CYTH1: variants seen among roughly 807,000 people sequenced by gnomAD.
CYTH1 encodes cytohesin 1.
CYTH1 carries 18 observed loss-of-function variants against 61.8 expected under a neutral mutation model. The observed-to-expected ratio is 0.29, with a 90% CI of 0.20 to 0.43. CYTH1 has a LOEUF of 0.43. CYTH1 is among the 20% of genes least tolerant of loss of function. The pLI is 1.00. For missense variants in CYTH1, 336 were observed against 510.5 expected (o/e 0.66, Z 3.29); for synonymous variants, 174 against 184.3 (o/e 0.94, Z 0.45).
chr17:78,734,128 C>T (rs1036911828), intron 1 of CYTH1, among the ~76,000 whole-genome samples: 6 of 151,804 alleles, frequency 4.0e-5, no homozygotes, highest in Admixed American at 2.6e-4. Context: ...CATGCACCTG[C>T]AGTCCCAGCT....
intron 1 of CYTH1, among the ~76,000 whole-genome samples, chr17:78,722,766 G>A (rs35672412): frequency 0.053 from 8,029 of 152,128 alleles, 380 homozygotes; most frequent in South Asian, 0.15. Flanking sequence ...TAAACGCGAC[G>A]TACAATTCCA....
chr17:78,736,031 G>A (rs1276650366), intron 1 of CYTH1, among the ~76,000 whole-genome samples: 1 of 152,220 alleles, frequency 6.6e-6, no homozygotes, highest in East Asian at 1.9e-4. Context: ...GATAAAGGAA[G>A]TTCTACAGAC....
At chr17:78,685,705 G>A (rs2092809521) in intron 11 of CYTH1, among the ~76,000 whole-genome samples, 1 of 152,046 alleles carries the variant, frequency 6.6e-6, no homozygotes, top group South Asian at 2.1e-4. Context: ...CTTACGTGCT[G>A]GATGTTACTG....
chr17:78,733,701 A>C (rs957711960), intron 1 of CYTH1, among the ~76,000 whole-genome samples: 1 of 152,266 alleles, frequency 6.6e-6, no homozygotes, highest in Non-Finnish European at 1.5e-5. Flanking sequence ...CAGAGGGGCC[A>C]ACCTGTGAGC....
chr17:78,752,257 G>A (rs1371716257), intron 1 of CYTH1, among the ~76,000 whole-genome samples: 1 of 152,146 alleles, frequency 6.6e-6, no homozygotes, highest in Non-Finnish European at 1.5e-5. Context: ...AGGAAAAAGG[G>A]AAATGTTAGT....
rs556308331 is a variant in CYTH1, at chr17:78,722,708, A to G, written c.23-12976T>C. Among the ~76,000 whole-genome samples the G allele has an allele frequency of 7.2e-5, 11 of 152,240 alleles. No homozygotes were observed. The East Asian group carries it at 2.1e-3, about 29-fold the overall frequency. On this transcript the variant is annotated intron_variant, in intron 1 of 13. Coordinates refer to ENST00000446868, the MANE Select transcript of CYTH1 (RefSeq NM_004762.6). ...TGTAATGCTCTGAATTTTTCTGTAC[A>G]TTGAAATATTCTCCCTCAGTCTGAC...
intron 10 of CYTH1, among the ~76,000 whole-genome samples, chr17:78,695,592 A>G (rs1003206071): frequency 6.6e-6 from 1 of 152,098 alleles, no homozygotes; most frequent in Non-Finnish European, 1.5e-5. Flanking sequence ...AAGAAAAAAG[A>G]AAGACTTCCT....
intron 1 of CYTH1, among the ~76,000 whole-genome samples, chr17:78,769,783 G>A (rs894536769): frequency 3.3e-5 from 5 of 152,178 alleles, no homozygotes; most frequent in African/African-American, 4.8e-5. Context: ...TTGGGAGGCC[G>A]AGGCAGGTGG....
intron 1 of CYTH1, among the ~76,000 whole-genome samples, chr17:78,738,341 T>G (rs2093329273): frequency 6.6e-6 from 1 of 152,200 alleles, no homozygotes; most frequent in African/African-American, 2.4e-5. Context: ...GCACGAGACC[T>G]GGCTGCAGAG....
chr17:78,691,837 T>C (rs1301945156), intron 11 of CYTH1: 3 of 152,708 alleles, frequency 2.0e-5, no homozygotes, highest in Admixed American at 2.0e-4. Context: ...GAGATATACG[T>C]ATATAAAACA....
chr17:78,733,568 T>C (rs1338661093), intron 1 of CYTH1, among the ~76,000 whole-genome samples: 2 of 152,234 alleles, frequency 1.3e-5, no homozygotes, highest in Non-Finnish European at 2.9e-5. Context: ...CTCCAGTCCC[T>C]GGCCTGCACA....
Position 78,717,424 on chromosome 17 carries a change from AAAC to A in CYTH1, c.23-7695_23-7693del, listed in dbSNP as rs1041314708. On this transcript the variant is annotated intron_variant, in intron 1 of 13. Transcript: ENST00000446868. The surrounding 1 kb of genome is among the most constrained non-coding windows in gnomAD (Gnocchi z 4.4). ...TTAATGAAGAGGATTAAAGTGACAA[AAAC>A]AACAAGGCGCTATTGTGCTTGGCTG... 2.0e-5 allele frequency among the ~76,000 whole-genome samples: 3 copies of A among 152,202 alleles called. No homozygotes were observed. The highest frequency in any genetic ancestry group is 6.5e-5 in the Admixed American group (1 of 15,286).
intron 3 of CYTH1, among the ~76,000 whole-genome samples, chr17:78,703,207 T>G (rs914507190): frequency 4.0e-5 from 6 of 148,892 alleles, no homozygotes; most frequent in African/African-American, 1.5e-4. Context: ...AGGTCAGGAG[T>G]TCAAGACCAG....
chr17:78,762,774 G>A (rs2093433896), intron 1 of CYTH1, among the ~76,000 whole-genome samples: 1 of 152,160 alleles, frequency 6.6e-6, no homozygotes, highest in African/African-American at 2.4e-5. Flanking sequence ...TGAAGATGCA[G>A]GAAGGAGCTA....
At chr17:78,768,915 G>T (rs934261345) in intron 1 of CYTH1, among the ~76,000 whole-genome samples, 1 of 152,128 alleles carries the variant, frequency 6.6e-6, no homozygotes, top group African/African-American at 2.4e-5. Flanking sequence ...GGAGATGGAG[G>T]TTGGCAAATC....
At chr17:78,745,546 T>A (rs954548458) in intron 1 of CYTH1, among the ~76,000 whole-genome samples, 1 of 152,198 alleles carries the variant, frequency 6.6e-6, no homozygotes, top group South Asian at 2.1e-4. Context: ...TGCTGCCCTC[T>A]GCTGGCTACA....
intron 1 of CYTH1, among the ~76,000 whole-genome samples, chr17:78,752,166 C>G (rs1324488112): frequency 1.3e-5 from 2 of 152,232 alleles, no homozygotes; most frequent in Non-Finnish European, 2.9e-5. Context: ...CCATCTCCCT[C>G]TCTTCGCCAG....
intron 3 of CYTH1, among the ~76,000 whole-genome samples, chr17:78,703,411 C>CAAAAAAA (rs67437891): frequency 1.4e-5 from 1 of 69,690 alleles, no homozygotes; most frequent in African/African-American, 5.9e-5. Flanking sequence ...ACTCCGTCTC[C>CAAAAAAA]AAAAAAAAAA....
chr17:78,724,824 G>A (rs1490971783), intron 1 of CYTH1, among the ~76,000 whole-genome samples: 1 of 152,154 alleles, frequency 6.6e-6, no homozygotes, highest in Non-Finnish European at 1.5e-5. Context: ...GCAAACAGAC[G>A]TCCTCATCAC....
Sources: allele counts gnomAD v4.1 joint callset (sites outside exome capture counted in the v4.1 genomes callset), GRCh38; gene constraint gnomAD v4.1.1; non-coding constraint Gnocchi (gnomAD v3.1); transcripts MANE v1.5; gene names NCBI Gene and HGNC (gene_info 2026-07-23, HGNC 2026-07-21).